The following ATP2B4 variants were observed in gnomAD, a reference collection of about 807,000 sequenced individuals.
ATP2B4 encodes the protein plasma membrane calcium-transporting ATPase 4.
A neutral mutation model predicts 110.3 loss-of-function variants in ATP2B4; 39 were observed. The observed-to-expected ratio is 0.35, with a 90% CI of 0.27 to 0.46. The LOEUF is 0.46. Among genes scored for constraint, ATP2B4 ranks in the 20% least tolerant of loss-of-function variants. The probability of loss-of-function intolerance (pLI) is 1.00; values close to 1 mark genes in which losing one functional copy is unlikely to be tolerated. For synonymous variants in ATP2B4, 538 were observed against 571.7 expected (o/e 0.94, Z 0.84); for missense variants, 1,135 against 1,530.9 (o/e 0.74, Z 4.32).
Position 203,698,171 on chromosome 1 carries a change from C to T in ATP2B4, c.208C>T (p.Pro70Ser), listed in dbSNP as rs753769605. ...CTCCTTTTCAGGTCTGTCTGGGAAC[C>T]CTGCAGATCTGGAGAAACGTAGGCA... ...TSPVEGLSGN[P>S]ADLEKRRQVF... Residue 70 changes from proline (P) to serine (S), a missense_variant, in exon 3 of 21, where the codon CCT (proline) becomes TCT (serine). Physicochemically the swap from Pro to Ser is moderately conservative, Grantham distance 74. Transcript: ENST00000357681. The T allele has an allele frequency of 1.9e-6, 3 of 1,614,100 alleles. No individual in the cohort carries two copies. Among genetic ancestry groups the T allele is most frequent in the Non-Finnish European group, 1.7e-6 (2 of 1,180,018 alleles).
chr1:203,642,017 G>C (rs965149272), intron 1 of ATP2B4, among the ~76,000 whole-genome samples: 1 of 152,218 alleles, frequency 6.6e-6, no homozygotes, highest in African/African-American at 2.4e-5. Context: ...ACTGAGAACA[G>C]TGGGGTAACC....
intron 8 of ATP2B4, among the ~76,000 whole-genome samples, chr1:203,704,272 G>A (rs892540530): frequency 6.6e-6 from 1 of 152,094 alleles, no homozygotes; most frequent in Non-Finnish European, 1.5e-5. Flanking sequence ...AAGAAGGAAG[G>A]CTGTGGTTAC....
chr1:203,740,067 A>G lies in ATP2B4; in HGVS notation c.*213A>G. 1.7e-6 allele frequency: 1 copy of G among 576,308 alleles called. No homozygotes were observed. Among genetic ancestry groups the G allele is most frequent in the Non-Finnish European group, 3.0e-6 (1 of 331,230 alleles). The allele number at this position is 576,308 out of a possible 1,614,324, so 35.7% of individuals were successfully genotyped here. A position where few individuals can be genotyped will look rare whatever the true frequency, so the allele number is the denominator to read the frequency against. The stretch of plus-strand genomic sequence containing the variant: ...TGACTTGGGGTTTGTAGCGGGACCC[A>G]GTCAAACCCCATTCAGGTCATGGTA... On this transcript the variant is annotated 3_prime_UTR_variant, in exon 21 of 21. Transcript: ENST00000357681.
At position 203,742,752 on chromosome 1, in the gene ATP2B4, A is replaced by G. The variant is rs1316990605; in HGVS notation, c.*2898A>G. Reference sequence around the variant, plus strand: ...TGAAGAATAGCTGGCAGAGTGGTATAAAAGACACGAATATCTCCTGGTCTA... The same window carrying G: ...TGAAGAATAGCTGGCAGAGTGGTATGAAAGACACGAATATCTCCTGGTCTA... On this transcript the variant is annotated 3_prime_UTR_variant, in exon 21 of 21. Transcript: ENST00000357681. 1.3e-5 allele frequency: 2 copies of G among 152,254 alleles called. No individual in the cohort carries two copies. The highest frequency in any genetic ancestry group is 2.9e-5 in the Non-Finnish European group (2 of 68,062). 9.4% of individuals were successfully genotyped at this position (152,254 alleles called of 1,614,324 possible).
At chr1:203,660,051 C>T (rs1218436649) in intron 1 of ATP2B4, among the ~76,000 whole-genome samples, 1 of 148,836 alleles carries the variant, frequency 6.7e-6, no homozygotes, top group African/African-American at 2.5e-5. Flanking sequence ...CACTGCACTC[C>T]AGCCTGGGCG....
chr1:203,647,114 G>A (rs1161601422), intron 1 of ATP2B4, among the ~76,000 whole-genome samples: 1 of 151,932 alleles, frequency 6.6e-6, no homozygotes, highest in African/African-American at 2.4e-5. Flanking sequence ...GGCAACCAGA[G>A]GCAAAGTATC....
intron 2 of ATP2B4, among the ~76,000 whole-genome samples, chr1:203,684,207 T>G (rs1180262525): frequency 6.6e-6 from 1 of 152,044 alleles, no homozygotes; most frequent in Non-Finnish European, 1.5e-5. Context: ...ACTTCTCTAT[T>G]GTATACTGTT....
At chr1:203,658,969 A>G (rs1279316550) in intron 1 of ATP2B4, among the ~76,000 whole-genome samples, 1 of 151,918 alleles carries the variant, frequency 6.6e-6, no homozygotes, top group Non-Finnish European at 1.5e-5. Flanking sequence ...GCGCCACTGC[A>G]CTCCAGCCTG....
intron 1 of ATP2B4, among the ~76,000 whole-genome samples, chr1:203,633,577 AAC>A (rs1323722582): frequency 6.6e-6 from 1 of 152,216 alleles, no homozygotes; most frequent in East Asian, 1.9e-4. Flanking sequence ...CAGCCTGGCC[AAC>A]ATGGTGAAAC....
At chr1:203,641,535 G>A (rs75449619) in intron 1 of ATP2B4, among the ~76,000 whole-genome samples, 331 of 152,278 alleles carry the variant, frequency 2.2e-3, no homozygotes, top group Non-Finnish European at 3.7e-3. Context: ...GAGGGCATGC[G>A]AGTTGTCCCA....
At chr1:203,637,846 G>A (rs139716412) in intron 1 of ATP2B4, among the ~76,000 whole-genome samples, 7 of 152,272 alleles carry the variant, frequency 4.6e-5, no homozygotes, top group East Asian at 3.9e-4. Context: ...AGCTGAAGAC[G>A]GAGGAAAATT....
rs773879514 is a variant in ATP2B4, at chr1:203,682,898, CT to C, written c.-307del. 29 of 256,206 alleles carry C rather than the reference CT, an allele frequency of 1.1e-4. No individual in the cohort carries two copies. Among genetic ancestry groups the C allele is most frequent in the Non-Finnish European group, 2.0e-4 (27 of 133,252 alleles). The allele number at this position is 256,206 out of a possible 1,614,324, so 15.9% of individuals were successfully genotyped here. On this transcript the variant is annotated 5_prime_UTR_variant, in exon 2 of 21. Transcript: ENST00000357681. ...AAGTTGGTCTAAGCTAGGAACCTAC[CT>C]ACCCTGGACAACTACTATCATCACC...
At chr1:203,726,062 CT>C (rs1666504843) in intron 19 of ATP2B4, among the ~76,000 whole-genome samples, 2 of 123,324 alleles carry the variant, frequency 1.6e-5, no homozygotes, top group Non-Finnish European at 3.3e-5. Flanking sequence ...CCTGTCTCTA[CT>C]AAAAATACAA....
Position 203,629,164 on chromosome 1 carries a change from C to T in ATP2B4, c.-465+1945C>T, listed in dbSNP as rs1289295117. ...GAGGTGTTGATTGATCTGACTGCACCCCTCGGCTAGACAGCTCTTCCCTAC... is the reference window on the plus strand; with the variant it reads ...GAGGTGTTGATTGATCTGACTGCACTCCTCGGCTAGACAGCTCTTCCCTAC... On this transcript the variant is annotated intron_variant, in intron 1 of 20. Coordinates refer to ENST00000357681, the MANE Select transcript of ATP2B4 (RefSeq NM_001684.5). The surrounding 1 kb of genome is among the most constrained non-coding windows in gnomAD (Gnocchi z 4.6). Among the ~76,000 whole-genome samples, 1 of 152,118 alleles carries T rather than the reference C, an allele frequency of 6.6e-6. No individual in the cohort carries two copies. Among genetic ancestry groups the T allele is most frequent in the Non-Finnish European group, 1.5e-5 (1 of 68,002 alleles).
intron 1 of ATP2B4, among the ~76,000 whole-genome samples, chr1:203,666,978 G>A (rs1392265922): frequency 1.3e-5 from 2 of 152,110 alleles, no homozygotes; most frequent in African/African-American, 2.4e-5. Context: ...TTAAGATAGG[G>A]TCTCACTTTG....
intron 1 of ATP2B4, among the ~76,000 whole-genome samples, chr1:203,654,769 C>T (rs1664105878): frequency 6.6e-6 from 1 of 151,832 alleles, no homozygotes; most frequent in African/African-American, 2.4e-5. Context: ...CTCTTGTGCT[C>T]TCAGCTACTC....
In ATP2B4 at chr1:203,650,550, G is replaced by GGGCC. The variant is rs146969810; in HGVS notation, c.-465+23333_-465+23336dup. 6.9e-3 allele frequency among the ~76,000 whole-genome samples: 1,049 copies of GGGCC among 152,302 alleles called. 14 individuals carry two copies. Among genetic ancestry groups the GGGCC allele is most frequent in the African/African-American group, 0.024 (998 of 41,554 alleles). ...GCGTTTGTTTCCCCAGCTGCTTCCC[G>GGGCC]GGCCGCGCTGGTAGCCAGCTGAGCC... On this transcript the variant is annotated intron_variant, in intron 1 of 20. Transcript: ENST00000357681.
chr1:203,725,086 T>G (rs1558053396), intron 19 of ATP2B4, among the ~76,000 whole-genome samples: 1 of 150,674 alleles, frequency 6.6e-6, no homozygotes, highest in Non-Finnish European at 1.5e-5. Flanking sequence ...CCTTGTTGGC[T>G]AGGCTGGTCT....
intron 1 of ATP2B4, among the ~76,000 whole-genome samples, chr1:203,644,005 T>C (rs565160169): frequency 1.1e-4 from 16 of 152,214 alleles, no homozygotes; most frequent in African/African-American, 3.9e-4. Context: ...ATCTCAGCAC[T>C]TTGGGAGGCC....
Sources: gnomAD v4.1 joint callset for allele counts (sites outside exome capture counted in the v4.1 genomes callset) on GRCh38, gnomAD v4.1.1 for gene constraint, Gnocchi (gnomAD v3.1) non-coding constraint, MANE v1.5 for transcripts, NCBI Gene and HGNC (gene_info 2026-07-23, HGNC 2026-07-21) for gene names.